CAMTA1: variants seen among roughly 807,000 people sequenced by gnomAD.
CAMTA1 encodes calmodulin binding transcription activator 1.
In CAMTA1, 27 loss-of-function variants were observed where a neutral mutation model predicts 170.9. The observed-to-expected ratio is 0.16, with a 90% CI of 0.12 to 0.22. The LOEUF (loss-of-function observed/expected upper bound fraction) is 0.22. Among genes scored for constraint, CAMTA1 ranks in the 10% least tolerant of loss-of-function variants. The pLI, the probability that CAMTA1 is intolerant of heterozygous loss-of-function variation, is 1.00. For missense variants in CAMTA1, 1,619 were observed against 2,217.2 expected, an observed-to-expected ratio of 0.73 and a Z score of 5.42; for synonymous variants, 833 against 891.5, an observed-to-expected ratio of 0.93 and a Z score of 1.17.
chr1:7,443,275 G>A lies in CAMTA1; in HGVS notation c.439-24555G>A, dbSNP rs911366809. 2.0e-5 allele frequency among the ~76,000 whole-genome samples: 3 copies of A among 152,232 alleles called. No individual in the cohort carries two copies. Among genetic ancestry groups the A allele is most frequent in the African/African-American group, 7.2e-5 (3 of 41,460 alleles). On this transcript the variant is annotated intron_variant, in intron 5 of 22. Transcript: ENST00000303635. The surrounding 1 kb of genome is among the most constrained non-coding windows in gnomAD (Gnocchi z 4.1). ...TTTCGTGGGGTACAGTCCCCTTGAG[G>A]CAGGGACCAGGTCTGTTCTGGTCCC...
At position 7,682,510 on chromosome 1, in the gene CAMTA1, C is replaced by T. The variant is rs1000144119; in HGVS notation, c.2914+4777C>T. On this transcript the variant is annotated intron_variant, in intron 11 of 22. Coordinates refer to ENST00000303635, the MANE Select transcript of CAMTA1 (RefSeq NM_015215.4). The surrounding 1 kb of genome is among the most constrained non-coding windows in gnomAD (Gnocchi z 5.0). The stretch of plus-strand genomic sequence containing the variant: ...GCAGCCCCTAGCTCTGCCCCCACTT[C>T]GGAGCTGCCACCTTAGGTGTGAGAG... Among the ~76,000 whole-genome samples the T allele has an allele frequency of 1.3e-5, 2 of 152,246 alleles. No individual in the cohort carries two copies. The highest frequency in any genetic ancestry group is 6.5e-5 in the Admixed American group (1 of 15,290).
At chr1:7,135,752 C>T (rs866018998) in intron 4 of CAMTA1, among the ~76,000 whole-genome samples, 13 of 152,112 alleles carry the variant, frequency 8.5e-5, no homozygotes, top group Non-Finnish European at 1.2e-4. Flanking sequence ...GCACCTGGAT[C>T]GCTGTCTCTT....
intron 5 of CAMTA1, among the ~76,000 whole-genome samples, chr1:7,376,470 C>G (rs1366461479): frequency 6.6e-6 from 1 of 152,174 alleles, no homozygotes; most frequent in Admixed American, 6.5e-5. Flanking sequence ...TGGCCCAATT[C>G]CCTGGAGCAT....
At chr1:7,741,298 T>A (rs1255780830) in intron 16 of CAMTA1, among the ~76,000 whole-genome samples, 1 of 152,080 alleles carries the variant, frequency 6.6e-6, no homozygotes, top group African/African-American at 2.4e-5. Context: ...GCGCGGTGGC[T>A]CACACCTGTA....
chr1:6,826,432 C>T (rs976489299), intron 3 of CAMTA1, among the ~76,000 whole-genome samples: 1 of 152,122 alleles, frequency 6.6e-6, no homozygotes, highest in Admixed American at 6.5e-5. Context: ...CATTTTTAGA[C>T]GTGAAAATGA....
intron 5 of CAMTA1, among the ~76,000 whole-genome samples, chr1:7,448,661 C>T (rs919612758): frequency 9.9e-5 from 15 of 152,210 alleles, no homozygotes; most frequent in Non-Finnish European, 1.9e-4. Flanking sequence ...GGCCTTCTTC[C>T]TGGTTCATAG....
intron 17 of CAMTA1, among the ~76,000 whole-genome samples, chr1:7,745,285 G>C (rs1327226556): frequency 1.3e-5 from 2 of 152,116 alleles, no homozygotes; most frequent in Non-Finnish European, 2.9e-5. Flanking sequence ...CAGCACTTTT[G>C]GGAGGCCAAG....
At chr1:7,481,722 A>G (rs1453877719) in intron 6 of CAMTA1, among the ~76,000 whole-genome samples, 1 of 152,178 alleles carries the variant, frequency 6.6e-6, no homozygotes, top group African/African-American at 2.4e-5. Context: ...ATTTCAAAGT[A>G]AGCAACAGCC....
chr1:7,087,337 C>T (rs538419844), intron 3 of CAMTA1, among the ~76,000 whole-genome samples: 162 of 152,246 alleles, frequency 1.1e-3, no homozygotes, highest in African/African-American at 3.3e-3. Context: ...TCACTGAAGT[C>T]GAGGATCTTA....
At position 7,619,816 on chromosome 1, in the gene CAMTA1, A is replaced by G. The variant is rs575643931; in HGVS notation, c.511-20584A>G. ...AGGCAAGTGCAACCACACCCAACTA[A>G]TTTTTGTATTTTTAGTAGAGACGGA... On this transcript the variant is annotated intron_variant, in intron 6 of 22. Coordinates refer to ENST00000303635, the MANE Select transcript of CAMTA1 (RefSeq NM_015215.4). 9.9e-5 allele frequency among the ~76,000 whole-genome samples: 15 copies of G among 152,036 alleles called. No individual in the cohort carries two copies. In the South Asian group the frequency reaches 3.1e-3, roughly 32 times the overall value.
At chr1:7,520,209 TC>T (rs1439372408) in intron 6 of CAMTA1, among the ~76,000 whole-genome samples, 1 of 268 alleles carries the variant, frequency 3.7e-3, no homozygotes, top group Non-Finnish European at 6.8e-3. Context: ...GACCTCCTCC[TC>T]CTCCTCCTCC....
At chr1:6,899,948 G>A (rs1163035544) in intron 3 of CAMTA1, among the ~76,000 whole-genome samples, 2 of 152,328 alleles carry the variant, frequency 1.3e-5, no homozygotes, top group East Asian at 1.9e-4. Flanking sequence ...AACACTGTGC[G>A]TGTTTGTTGC....
intron 3 of CAMTA1, among the ~76,000 whole-genome samples, chr1:6,932,616 G>A (rs917825474): frequency 6.6e-6 from 1 of 152,186 alleles, no homozygotes; most frequent in Non-Finnish European, 1.5e-5. Context: ...CCACTGCGGG[G>A]TATGAGAGTT....
At chr1:7,213,612 C>CA (rs1659180144) in intron 4 of CAMTA1, among the ~76,000 whole-genome samples, 1 of 151,232 alleles carries the variant, frequency 6.6e-6, no homozygotes, top group South Asian at 2.1e-4. Flanking sequence ...TTTTAAATTT[C>CA]TTTTTTTTAT....
At chr1:7,211,885 G>A (rs1658835483) in intron 4 of CAMTA1, among the ~76,000 whole-genome samples, 1 of 152,224 alleles carries the variant, frequency 6.6e-6, no homozygotes, top group Non-Finnish European at 1.5e-5. Flanking sequence ...ATGGATGTGT[G>A]TAAAACCATG....
intron 1 of CAMTA1, among the ~76,000 whole-genome samples, chr1:6,807,652 G>A (rs1264443177): frequency 1.3e-5 from 2 of 151,582 alleles, no homozygotes; most frequent in South Asian, 4.2e-4. Flanking sequence ...TCCAGGAGGC[G>A]GAGGTTGCAG....
At chr1:6,906,688 A>C (rs945139536) in intron 3 of CAMTA1, among the ~76,000 whole-genome samples, 1 of 152,136 alleles carries the variant, frequency 6.6e-6, no homozygotes, top group African/African-American at 2.4e-5. Context: ...ATGTGTGCCT[A>C]CCTTCCCCAC....
intron 4 of CAMTA1, among the ~76,000 whole-genome samples, chr1:7,143,320 A>G (rs1645994502): frequency 6.6e-6 from 1 of 152,238 alleles, no homozygotes; most frequent in African/African-American, 2.4e-5. Flanking sequence ...GTATTTGGAA[A>G]ATGAATCTTA....
chr1:6,917,153 T>C (rs545609837), intron 3 of CAMTA1, among the ~76,000 whole-genome samples: 1 of 152,126 alleles, frequency 6.6e-6, no homozygotes, highest in Non-Finnish European at 1.5e-5. Context: ...GGCATGTTCA[T>C]GACAGTGGAG....
Sources: gnomAD v4.1 joint callset for allele counts (sites outside exome capture counted in the v4.1 genomes callset) on GRCh38, gnomAD v4.1.1 for gene constraint, Gnocchi (gnomAD v3.1) non-coding constraint, MANE v1.5 for transcripts, NCBI Gene and HGNC (gene_info 2026-07-23, HGNC 2026-07-21) for gene names.